Variants in MYO16 observed in about 807,000 individuals in gnomAD.
MYO16 encodes the protein unconventional myosin-XVI.
Under a neutral mutation model 205.3 loss-of-function variants are expected in MYO16, and 94 were observed. That is an observed-to-expected ratio of 0.46 (90% confidence interval 0.39 to 0.54). MYO16 has a LOEUF of 0.54. MYO16 is among the 20% of genes least tolerant of loss of function. MYO16 has a pLI of 0.00. For synonymous variants in MYO16, 988 were observed against 954.0 expected (o/e 1.04, Z -0.66); for missense variants, 2,315 against 2,387.5 (o/e 0.97, Z 0.63).
intron 16 of MYO16, among the ~76,000 whole-genome samples, chr13:108,911,066 C>CACACACAGAG (rs59417999): frequency 4.8e-4 from 68 of 143,124 alleles, no homozygotes; most frequent in East Asian, 1.3e-3. Flanking sequence ...CACACACACA[C>CACACACAGAG]AGAGAGAGAG....
the MYO16 span, among the ~76,000 whole-genome samples, chr13:108,572,303 A>G: frequency 1.3e-5 from 2 of 152,112 alleles, no homozygotes; most frequent in Non-Finnish European, 2.9e-5. Context: ...ACTAAGGCCT[A>G]TTGTCTATAG....
chr13:108,680,852 T>C (rs1236601524), intron 2 of MYO16, among the ~76,000 whole-genome samples: 2 of 152,126 alleles, frequency 1.3e-5, no homozygotes, highest in Non-Finnish European at 2.9e-5. Context: ...AACAATGGTG[T>C]TGTAGCTTAT....
intron 16 of MYO16, among the ~76,000 whole-genome samples, chr13:108,919,750 G>T (rs1881659876): frequency 6.6e-6 from 1 of 152,218 alleles, no homozygotes; most frequent in Admixed American, 6.5e-5. Context: ...TTTAAGGCAT[G>T]TTGGTCTACG....
chr13:109,075,663 C>T (rs1053860656), intron 27 of MYO16, among the ~76,000 whole-genome samples: 3 of 151,994 alleles, frequency 2.0e-5, no homozygotes, highest in African/African-American at 2.4e-5. Context: ...CATGAGCCAC[C>T]GCACCTGGCC....
chr13:109,091,354 A>G (rs1888616960), intron 27 of MYO16, among the ~76,000 whole-genome samples: 1 of 152,214 alleles, frequency 6.6e-6, no homozygotes, highest in Non-Finnish European at 1.5e-5. Flanking sequence ...TATTTCTACA[A>G]ATGTTGCTGC....
chr13:108,732,924 C>A (rs1011284235), intron 4 of MYO16, among the ~76,000 whole-genome samples: 1 of 152,090 alleles, frequency 6.6e-6, no homozygotes, highest in Non-Finnish European at 1.5e-5. Flanking sequence ...ATGACTTCCA[C>A]TTTTTTAGCC....
intron 12 of MYO16, among the ~76,000 whole-genome samples, chr13:108,874,745 C>A: frequency 6.8e-6 from 1 of 147,672 alleles, no homozygotes; most frequent in Middle Eastern, 3.5e-3. Context: ...TATATGTGAT[C>A]TTTTGTAAAC....
At chr13:108,746,117 C>T (rs546321408) in intron 4 of MYO16, among the ~76,000 whole-genome samples, 8 of 152,140 alleles carry the variant, frequency 5.3e-5, no homozygotes, top group African/African-American at 9.6e-5. Flanking sequence ...GGCATGAACC[C>T]GGGAGGTGGG....
intron 31 of MYO16, among the ~76,000 whole-genome samples, chr13:109,134,504 G>A (rs74854000): frequency 6.6e-6 from 1 of 152,294 alleles, no homozygotes; most frequent in East Asian, 1.9e-4. Context: ...CATGCAGCAA[G>A]GTGGCTGGAA....
intron 34 of MYO16, among the ~76,000 whole-genome samples, chr13:109,200,225 G>T (rs1398448204): frequency 4.6e-5 from 7 of 152,050 alleles, no homozygotes; most frequent in African/African-American, 9.7e-5. Flanking sequence ...CGTAACCTAT[G>T]AAAATTCTTT....
chr13:108,907,687 C>A (rs929271451), intron 15 of MYO16, among the ~76,000 whole-genome samples: 1 of 152,188 alleles, frequency 6.6e-6, no homozygotes, highest in African/African-American at 2.4e-5. Flanking sequence ...TTCCACTAAT[C>A]CACAGCAATT....
chr13:108,966,541 G>T (rs1883799081), intron 20 of MYO16, among the ~76,000 whole-genome samples: 1 of 152,122 alleles, frequency 6.6e-6, no homozygotes, highest in South Asian at 2.1e-4. Context: ...TGGGAATATT[G>T]CCACTGTGGC....
intron 16 of MYO16, among the ~76,000 whole-genome samples, chr13:108,947,933 G>A (rs1400049406): frequency 6.6e-6 from 1 of 152,154 alleles, no homozygotes; most frequent in Non-Finnish European, 1.5e-5. Context: ...TTTTCCTGGA[G>A]ACCACTGACA....
intron 13 of MYO16, among the ~76,000 whole-genome samples, chr13:108,887,790 C>G (rs1358811712): frequency 6.6e-6 from 1 of 152,124 alleles, no homozygotes; most frequent in Non-Finnish European, 1.5e-5. Context: ...GTTTTTGTAG[C>G]TAGGCACTTT....
rs74121454 is a variant in MYO16 at position 108,812,197 on chromosome 13, G to A, written c.867+5393G>A. On this transcript the variant is annotated intron_variant, in intron 7 of 34. Coordinates refer to ENST00000457511, the MANE Select transcript of MYO16 (RefSeq NM_001198950.3). ...CTAATGCTCGGAATTTGCATATGAT[G>A]GTTCCTCTCCTGTCCCTGTACAAGC... Among the ~76,000 whole-genome samples, 949 of 152,112 alleles carry A rather than the reference G, an allele frequency of 6.2e-3. 7 individuals carry two copies. The highest frequency in any genetic ancestry group is 0.022 in the African/African-American group (895 of 41,510).
upstream of MYO16, among the ~76,000 whole-genome samples, chr13:108,627,389 C>T (rs755721322): frequency 5.3e-5 from 8 of 152,136 alleles, no homozygotes; most frequent in Non-Finnish European, 1.0e-4. Flanking sequence ...TTCAACTCCT[C>T]AAAGTGGATT....
chr13:108,716,339 A>T (rs1027709570), intron 3 of MYO16, among the ~76,000 whole-genome samples: 1 of 152,194 alleles, frequency 6.6e-6, no homozygotes, highest in Middle Eastern at 3.2e-3. Flanking sequence ...GATGAAGTAG[A>T]TGGAAGCCAC....
rs1876349425 is a variant in MYO16 at position 109,127,998 on chromosome 13, CTT to C, written c.4051+451_4051+452del. On this transcript the variant is annotated intron_variant, in intron 31 of 34. Transcript: ENST00000457511. The surrounding 1 kb of genome is among the most constrained non-coding windows in gnomAD (Gnocchi z 4.2). ...GTGCAGGAAACTTCTGTTAGGAAAA[CTT>C]TTGAGACTAGATTATAAAAGTTTCT... Among the ~76,000 whole-genome samples the C allele has an allele frequency of 6.6e-6, 1 of 152,060 alleles. No homozygotes were observed. The highest frequency in any genetic ancestry group is 2.4e-5 in the African/African-American group (1 of 41,398).
intron 24 of MYO16, among the ~76,000 whole-genome samples, chr13:109,051,696 A>G (rs1296425547): frequency 1.3e-5 from 2 of 152,216 alleles, no homozygotes; most frequent in South Asian, 4.1e-4. Context: ...TTTGATTTTT[A>G]TAACTTAAAC....
Sources: allele counts gnomAD v4.1 joint callset (sites outside exome capture counted in the v4.1 genomes callset), GRCh38; gene constraint gnomAD v4.1.1; non-coding constraint Gnocchi (gnomAD v3.1); transcripts MANE v1.5; gene names NCBI Gene and HGNC (gene_info 2026-07-23, HGNC 2026-07-21).